The following AFTPH variants were observed in gnomAD, a reference collection of about 807,000 sequenced individuals.
AFTPH encodes the protein aftiphilin protein.
AFTPH carries 7 observed loss-of-function variants against 72.5 expected under a neutral mutation model. That is an observed-to-expected ratio of 0.10 (90% CI 0.05 to 0.18). The LOEUF is 0.18. Ranked by LOEUF, AFTPH falls within the 10% of genes least tolerant of loss-of-function variation. AFTPH has a pLI of 1.00. For missense variants in AFTPH, 979 were observed against 1,060.5 expected (o/e 0.92, Z 1.07); for synonymous variants, 337 against 370.1 (o/e 0.91, Z 1.03).
chr2:64,546,910 G>A (rs566388703), intron 1 of AFTPH, among the ~76,000 whole-genome samples: 9 of 151,978 alleles, frequency 5.9e-5, no homozygotes, highest in South Asian at 4.2e-4. Flanking sequence ...TTAGCCAGGC[G>A]TGGTGGCAGG....
intron 1 of AFTPH, among the ~76,000 whole-genome samples, chr2:64,531,568 T>TG (rs1205048815): frequency 2.6e-5 from 4 of 152,192 alleles, no homozygotes; most frequent in Non-Finnish European, 5.9e-5. Flanking sequence ...AGCAAGCTAT[T>TG]TAAGTATAAA....
intron 7 of AFTPH, among the ~76,000 whole-genome samples, chr2:64,584,177 A>G (rs914660787): frequency 6.6e-6 from 1 of 152,018 alleles, no homozygotes; most frequent in African/African-American, 2.4e-5. Context: ...AGAGTGTAGG[A>G]TTAAAAATTT....
intron 6 of AFTPH, among the ~76,000 whole-genome samples, chr2:64,573,443 A>G (rs1039749960): frequency 1.5e-4 from 22 of 151,544 alleles, no homozygotes; most frequent in African/African-American, 4.8e-4. Flanking sequence ...AAAAAAAAAA[A>G]AAAAGAAAAG....
chr2:64,552,932 T>A, exon 2 of AFTPH: 2 of 1,614,174 alleles, frequency 1.2e-6, no homozygotes, highest in Non-Finnish European at 1.7e-6. Flanking sequence ...ATATAAATGC[T>A]GTTTCTTGCC....
At chr2:64,562,209 A>G (rs1671784742) in intron 2 of AFTPH, among the ~76,000 whole-genome samples, 1 of 152,188 alleles carries the variant, frequency 6.6e-6, no homozygotes, top group East Asian at 1.9e-4. Flanking sequence ...AGATTTGGCT[A>G]TTTTATGTCT....
At chr2:64,576,115 ACACG>A (rs1308569801) in intron 6 of AFTPH, among the ~76,000 whole-genome samples, 5 of 116,544 alleles carry the variant, frequency 4.3e-5, no homozygotes, top group African/African-American at 2.2e-4. Flanking sequence ...ACACACACAC[ACACG>A]TGTGTCATAC....
At chr2:64,538,500 AT>A (rs1175184213) in intron 1 of AFTPH, among the ~76,000 whole-genome samples, 1 of 152,116 alleles carries the variant, frequency 6.6e-6, no homozygotes, top group Non-Finnish European at 1.5e-5. Context: ...TTTATATTTG[AT>A]TTTTCAGATA....
At chr2:64,573,502 A>G (rs1463086624) in intron 6 of AFTPH, among the ~76,000 whole-genome samples, 1 of 151,982 alleles carries the variant, frequency 6.6e-6, no homozygotes, top group African/African-American at 2.4e-5. Flanking sequence ...CTGCTATTGT[A>G]TGTGTATTTT....
At chr2:64,541,281 T>C (rs1489708070) in intron 1 of AFTPH, among the ~76,000 whole-genome samples, 1 of 152,128 alleles carries the variant, frequency 6.6e-6, no homozygotes, top group African/African-American at 2.4e-5. Flanking sequence ...ATTTAACAAA[T>C]GTCATCTTAA....
At chr2:64,590,799 A>C (rs1673784679) in intron 8 of AFTPH, among the ~76,000 whole-genome samples, 1 of 152,210 alleles carries the variant, frequency 6.6e-6, no homozygotes, top group Non-Finnish European at 1.5e-5. Flanking sequence ...GTCTGGATTC[A>C]AAGTGGTAAC....
chr2:64,524,465 C>T (rs1669124117), exon 1 of AFTPH: 1 of 402,158 alleles, frequency 2.5e-6, no homozygotes, highest in Admixed American at 4.4e-5. Flanking sequence ...GGGTGGGCGT[C>T]CATGGTGCTG....
At chr2:64,550,246 GAGTC>G (rs779639589) in intron 1 of AFTPH, among the ~76,000 whole-genome samples, 1 of 152,182 alleles carries the variant, frequency 6.6e-6, no homozygotes, top group Non-Finnish European at 1.5e-5. Flanking sequence ...CAATGAAAAA[GAGTC>G]AGACCCAGGA....
intron 1 of AFTPH, among the ~76,000 whole-genome samples, chr2:64,525,241 G>A (rs1334249326): frequency 1.3e-5 from 2 of 152,208 alleles, no homozygotes; most frequent in African/African-American, 4.8e-5. Context: ...CGTTTGAAAA[G>A]TTGGACCATA....
chr2:64,553,539 G>A, intron 2 of AFTPH, 130 bp downstream of exon 2: 1 of 988,788 alleles, frequency 1.0e-6, no homozygotes, highest in Non-Finnish European at 1.4e-6. Flanking sequence ...TATAATGCCT[G>A]TCTGATTTGT....
intron 2 of AFTPH, among the ~76,000 whole-genome samples, chr2:64,555,845 G>A (rs1330514688): frequency 1.3e-5 from 2 of 152,122 alleles, no homozygotes; most frequent in Non-Finnish European, 2.9e-5. Context: ...AATTGCGGCT[G>A]GCACTTTATT....
intron 7 of AFTPH, 106 bp downstream of exon 7, chr2:64,579,652 T>A: frequency 1.0e-6 from 1 of 990,216 alleles, no homozygotes. Flanking sequence ...GAACATAACT[T>A]ATTCTTATCT....
chr2:64,547,151 A>T (rs987367186), intron 1 of AFTPH, among the ~76,000 whole-genome samples: 3 of 152,358 alleles, frequency 2.0e-5, no homozygotes, highest in South Asian at 4.1e-4. Context: ...GTTAAAGTAG[A>T]TGACTCACAA....
At chr2:64,579,030 A>G (rs1490491619) in intron 6 of AFTPH, 1 of 153,036 alleles carries the variant, frequency 6.5e-6, no homozygotes, top group Non-Finnish European at 1.5e-5. Flanking sequence ...ATTAAAATAG[A>G]TATTTTAAGT....
chr2:64,576,661 C>T (rs150076308), intron 6 of AFTPH, among the ~76,000 whole-genome samples: 7 of 152,256 alleles, frequency 4.6e-5, no homozygotes, highest in East Asian at 1.9e-4. Context: ...ATCTAGTCAC[C>T]GGTAGCAACT....
Sources: allele counts gnomAD v4.1 joint callset (sites outside exome capture counted in the v4.1 genomes callset), GRCh38; gene constraint gnomAD v4.1.1; transcripts MANE v1.5; gene names NCBI Gene and HGNC (gene_info 2026-07-23, HGNC 2026-07-21).